The following WWOX variants were observed in gnomAD, a reference collection of about 807,000 sequenced individuals.
WWOX encodes the protein WW domain containing oxidoreductase, also known as WW domain-containing oxidoreductase.
WWOX carries 69 observed loss-of-function variants against 46.2 expected under a neutral mutation model. The ratio of observed to expected loss-of-function variants is 1.49; its 90% CI spans 1.23 to 1.82. The LOEUF (loss-of-function observed/expected upper bound fraction) is 1.82, where lower values mean the gene tolerates loss of function less well. Among genes scored for constraint, WWOX ranks in the 40% most tolerant of loss-of-function variants. The pLI, the probability that WWOX is intolerant of heterozygous loss-of-function variation, is 0.00. For synonymous variants in WWOX, 359 were observed against 202.6 expected, an observed-to-expected ratio of 1.77 and a Z score of -6.56; for missense variants, 919 against 542.6, an observed-to-expected ratio of 1.69 and a Z score of -6.89.
chr16:78,828,284 C>T (rs985954646), intron 8 of WWOX, among the ~76,000 whole-genome samples: 4 of 152,044 alleles, frequency 2.6e-5, no homozygotes, highest in Non-Finnish European at 2.9e-5. Context: ...GAAGAGCCTT[C>T]GATGGACCTG....
rs959915249 is a variant in WWOX at position 78,405,800 on chromosome 16, T to C, written c.605+18852T>C. ...ACAAGGTGGGCATTATCATTCCCTT[T>C]ATAGGGGACACAGCTGTGGCTCAGA... On this transcript the variant is annotated intron_variant, in intron 6 of 8. Coordinates refer to ENST00000566780, the MANE Select transcript of WWOX (RefSeq NM_016373.4). 9.9e-5 allele frequency among the ~76,000 whole-genome samples: 15 copies of C among 152,082 alleles called. 1 individual carries two copies. The South Asian group carries it at 1.9e-3, about 19-fold the overall frequency.
chr16:78,426,995 A>ACCCC (rs1390130722), intron 7 of WWOX, among the ~76,000 whole-genome samples: 59 of 152,152 alleles, frequency 3.9e-4, no homozygotes, highest in African/African-American at 1.4e-3. Flanking sequence ...TTTTAACAAA[A>ACCCC]TGGCAATTTC....
chr16:78,581,130 A>C (rs1259530248), intron 8 of WWOX, among the ~76,000 whole-genome samples: 1 of 152,132 alleles, frequency 6.6e-6, no homozygotes, highest in Non-Finnish European at 1.5e-5. Flanking sequence ...TATATCCTTA[A>C]TGCGCAGGAC....
intron 8 of WWOX, among the ~76,000 whole-genome samples, chr16:78,731,499 G>T (rs1206259985): frequency 6.6e-6 from 1 of 152,094 alleles, no homozygotes; most frequent in African/African-American, 2.4e-5. Context: ...GTTCTTTCTT[G>T]TTTCCCTTTG....
chr16:78,520,666 T>A (rs1343510156), intron 8 of WWOX, among the ~76,000 whole-genome samples: 1 of 151,970 alleles, frequency 6.6e-6, no homozygotes, highest in Admixed American at 6.5e-5. Context: ...TGATTAATAA[T>A]GTTTGTTATG....
chr16:79,003,426 G>A (rs28409683), intron 8 of WWOX, among the ~76,000 whole-genome samples: 24,661 of 152,138 alleles, frequency 0.16, 2,185 homozygotes, highest in Middle Eastern at 0.29. Flanking sequence ...CTTATCTATT[G>A]CTGAGTAACA....
chr16:78,685,399 T>TA, intron 8 of WWOX, among the ~76,000 whole-genome samples: 1 of 152,292 alleles, frequency 6.6e-6, no homozygotes, highest in Non-Finnish European at 1.5e-5. Flanking sequence ...CATAAAGAGC[T>TA]AAGTCTGTCT....
chr16:78,915,291 G>C (rs1389380797), intron 8 of WWOX, among the ~76,000 whole-genome samples: 5 of 152,166 alleles, frequency 3.3e-5, no homozygotes, highest in Non-Finnish European at 5.9e-5. Context: ...CTGGTCACCT[G>C]TCCTTTATCT....
intron 5 of WWOX, among the ~76,000 whole-genome samples, chr16:78,347,056 T>C (rs1375659045): frequency 1.7e-5 from 2 of 118,380 alleles, no homozygotes; most frequent in East Asian, 3.9e-4. Context: ...TTTGTGGGGG[T>C]TGGGGTAATA....
chr16:78,916,296 C>T (rs146449977), intron 8 of WWOX, among the ~76,000 whole-genome samples: 2,589 of 152,260 alleles, frequency 0.017, 32 homozygotes, highest in Non-Finnish European at 0.026. Flanking sequence ...GATGGAGACC[C>T]TGTTTCAGAG....
intron 8 of WWOX, among the ~76,000 whole-genome samples, chr16:78,674,291 T>C (rs1263233768): frequency 6.6e-6 from 1 of 151,040 alleles, no homozygotes; most frequent in African/African-American, 2.4e-5. Flanking sequence ...TTTTTTTTTT[T>C]TTTCTTTTTT....
At chr16:78,228,479 C>T (rs2037143154) in intron 5 of WWOX, among the ~76,000 whole-genome samples, 1 of 151,710 alleles carries the variant, frequency 6.6e-6, no homozygotes. Context: ...GCAGCTGGGA[C>T]CACAGGTGCT....
chr16:78,229,502 A>ATATATATATATATATATATATT (rs2037178266), intron 5 of WWOX, among the ~76,000 whole-genome samples: 2 of 105,918 alleles, frequency 1.9e-5, no homozygotes, highest in African/African-American at 6.5e-5. Flanking sequence ...ATATTTATCT[A>ATATATATATATATATATATATT]TATCTATATA....
intron 5 of WWOX, among the ~76,000 whole-genome samples, chr16:78,213,800 T>C (rs1032892277): frequency 6.6e-6 from 1 of 152,140 alleles, no homozygotes; most frequent in African/African-American, 2.4e-5. Context: ...CTTGGCTTCA[T>C]GAAGAAGGAA....
intron 8 of WWOX, among the ~76,000 whole-genome samples, chr16:78,486,155 G>GAAACA (rs1320707826): frequency 6.6e-6 from 1 of 152,144 alleles, no homozygotes; most frequent in African/African-American, 2.4e-5. Context: ...GGAACTAGGG[G>GAAACA]AAACAAACCC....
intron 8 of WWOX, among the ~76,000 whole-genome samples, chr16:78,450,340 C>G (rs1438317537): frequency 6.6e-6 from 1 of 152,038 alleles, no homozygotes; most frequent in Non-Finnish European, 1.5e-5. Flanking sequence ...CAAAGTAATC[C>G]ACGAGAATGT....
chr16:78,574,293 G>A (rs2044793256), intron 8 of WWOX, among the ~76,000 whole-genome samples: 2 of 152,198 alleles, frequency 1.3e-5, no homozygotes, highest in African/African-American at 4.8e-5. Context: ...GATTTCTGCT[G>A]ATTAATACCA....
intron 8 of WWOX, among the ~76,000 whole-genome samples, chr16:78,609,910 A>T (rs1389796076): frequency 6.6e-6 from 1 of 152,212 alleles, no homozygotes; most frequent in African/African-American, 2.4e-5. Flanking sequence ...TTTCTCTATT[A>T]AGAGCTTGTG....
chr16:78,754,410 A>G (rs1015157172), intron 8 of WWOX, among the ~76,000 whole-genome samples: 1 of 152,150 alleles, frequency 6.6e-6, no homozygotes, highest in African/African-American at 2.4e-5. Context: ...GTCATTATGA[A>G]TTTGTAGATC....
Sources: gnomAD v4.1 joint callset for allele counts (sites outside exome capture counted in the v4.1 genomes callset) on GRCh38, gnomAD v4.1.1 for gene constraint, MANE v1.5 for transcripts, NCBI Gene and HGNC (gene_info 2026-07-23, HGNC 2026-07-21) for gene names.